PSKH2: variants seen among roughly 807,000 people sequenced by gnomAD.
PSKH2 encodes the protein serine/threonine-protein kinase H2.
Under a neutral mutation model 22.5 loss-of-function variants are expected in PSKH2, and 16 were observed. The observed-to-expected ratio is 0.71, with a 90% CI of 0.48 to 1.08. The LOEUF is 1.08. Ranked by LOEUF, PSKH2 falls within the 50% of genes least tolerant of loss-of-function variation. PSKH2 has a pLI of 0.00. For missense variants in PSKH2, 516 were observed against 492.8 expected (o/e 1.05, Z -0.44); for synonymous variants, 188 against 184.8 (o/e 1.02, Z -0.14).
At chr8:86,058,819 G>C (rs1415848037) in intron 2 of PSKH2, among the ~76,000 whole-genome samples, 1 of 152,204 alleles carries the variant, frequency 6.6e-6, no homozygotes, top group African/African-American at 2.4e-5. Context: ...AGTGGAGCTA[G>C]AGTATGGCTC....
chr8:86,053,693 C>A (rs191639722), intron 2 of PSKH2, among the ~76,000 whole-genome samples: 2 of 152,108 alleles, frequency 1.3e-5, no homozygotes, highest in African/African-American at 2.4e-5. Flanking sequence ...AACTAGTCAA[C>A]GCTTTAATAT....
At chr8:86,063,581 TTAGTC>T (rs1817807643) in intron 2 of PSKH2, among the ~76,000 whole-genome samples, 1 of 152,230 alleles carries the variant, frequency 6.6e-6, no homozygotes, top group Non-Finnish European at 1.5e-5. Context: ...TGTGAACACA[TTAGTC>T]TAGTCAGCCA....
chr8:86,054,919 A>C (rs1226028660), intron 2 of PSKH2, among the ~76,000 whole-genome samples: 1 of 152,168 alleles, frequency 6.6e-6, no homozygotes, highest in East Asian at 1.9e-4. Flanking sequence ...TCAAAGCACC[A>C]GAAGTTAACA....
chr8:86,051,473 A>C (rs1260967282), intron 2 of PSKH2, among the ~76,000 whole-genome samples: 1 of 152,176 alleles, frequency 6.6e-6, no homozygotes, highest in Non-Finnish European at 1.5e-5. Context: ...AGACATGAGA[A>C]ATATTTATCC....
intron 2 of PSKH2, among the ~76,000 whole-genome samples, chr8:86,057,275 T>C (rs1817711984): frequency 2.0e-5 from 2 of 101,416 alleles, no homozygotes; most frequent in Non-Finnish European, 3.9e-5. Context: ...ATACTTAATA[T>C]GCATGCATGT....
chr8:86,049,675 GAAGAAAGAAAGAAAGAAAGAAAGA>G (rs1156489675), intron 2 of PSKH2, among the ~76,000 whole-genome samples: 5,883 of 105,908 alleles, frequency 0.056, 435 homozygotes, highest in Non-Finnish European at 0.073. Context: ...GAGTGAGAAA[GAAGAAAGAAAGAAAGAAAGAAAGA>G]AAGAAAGAAA....
chr8:86,063,476 G>A (rs567622138), intron 2 of PSKH2, among the ~76,000 whole-genome samples: 10 of 152,242 alleles, frequency 6.6e-5, no homozygotes, highest in East Asian at 1.9e-4. Flanking sequence ...TAAACATTTC[G>A]CTGAGAAAAC....
At chr8:86,068,791 T>A (rs1342516651) in intron 1 of PSKH2, among the ~76,000 whole-genome samples, 1 of 152,136 alleles carries the variant, frequency 6.6e-6, no homozygotes, top group Non-Finnish European at 1.5e-5. Context: ...CAAAGCCGTC[T>A]TCCACCGCAG....
At chr8:86,060,763 C>G (rs1218466986) in intron 2 of PSKH2, among the ~76,000 whole-genome samples, 1 of 152,148 alleles carries the variant, frequency 6.6e-6, no homozygotes, top group Non-Finnish European at 1.5e-5. Flanking sequence ...TAATATAAAT[C>G]TAGTACTTTA....
At position 86,048,340 on chromosome 8, in the gene PSKH2, A is replaced by T; in HGVS notation, c.*122T>A. On this transcript the variant is annotated 3_prime_UTR_variant, in exon 3 of 3. Coordinates refer to ENST00000276616, the MANE Select transcript of PSKH2 (RefSeq NM_033126.3). ...AAAAATTATAGAACAAGAAAATGTTAAAAGTCAAGATCAATAGTATCCAAC... is the reference window on the plus strand; with the variant it reads ...AAAAATTATAGAACAAGAAAATGTTTAAAGTCAAGATCAATAGTATCCAAC... The T allele has an allele frequency of 1.4e-6, 1 of 720,550 alleles. No individual in the cohort carries two copies. 44.6% of individuals were successfully genotyped at this position (720,550 alleles called of 1,614,324 possible). A position where few individuals can be genotyped will look rare whatever the true frequency, so the allele number is the denominator to read the frequency against.
chr8:86,060,908 G>A (rs913234988), intron 2 of PSKH2, among the ~76,000 whole-genome samples: 1 of 152,030 alleles, frequency 6.6e-6, no homozygotes, highest in South Asian at 2.1e-4. Context: ...CTAGACCCTG[G>A]GCCCCTCTTT....
In PSKH2 at chr8:86,047,171, T is replaced by C. The variant is rs968846885; in HGVS notation, c.*1291A>G. Among the ~76,000 whole-genome samples, 1 of 152,240 alleles carries C rather than the reference T, an allele frequency of 6.6e-6. No homozygotes were observed. Among genetic ancestry groups the C allele is most frequent in the Non-Finnish European group, 1.5e-5 (1 of 68,044 alleles). ...AATTACAAATGAAATGAAGCATTTT[T>C]TTCATTTACTCATTAGCCATCTATA... On this transcript the variant is annotated 3_prime_UTR_variant, in exon 3 of 3. Transcript: ENST00000276616.
At chr8:86,059,424 G>C (rs77523879) in intron 2 of PSKH2, among the ~76,000 whole-genome samples, 1,652 of 152,260 alleles carry the variant, frequency 0.011, 23 homozygotes, top group Non-Finnish European at 0.014. Flanking sequence ...AGTGTCACCA[G>C]AGCTGTGTTC....
At chr8:86,060,935 C>T (rs569705356) in intron 2 of PSKH2, among the ~76,000 whole-genome samples, 47 of 152,280 alleles carry the variant, frequency 3.1e-4, no homozygotes, top group Non-Finnish European at 5.7e-4. Context: ...TGCATGCACG[C>T]ACCCTTCTTT....
intron 1 of PSKH2, chr8:86,066,510 T>C (rs1817861446): frequency 6.6e-6 from 1 of 152,154 alleles, no homozygotes; most frequent in East Asian, 1.9e-4. Context: ...GACTTCATTT[T>C]AATAAAACCT....
rs1382109105 is a variant in PSKH2 at position 86,050,664 on chromosome 8, G to A, written c.853-1897C>T. Among the ~76,000 whole-genome samples, 5 of 152,150 alleles carry A rather than the reference G, an allele frequency of 3.3e-5. No individual in the cohort carries two copies. The East Asian group carries it at 9.6e-4, about 29-fold the overall frequency. On this transcript the variant is annotated intron_variant, in intron 2 of 2. Transcript: ENST00000276616. ...TACCGTATACCCGGAAAACACTACAGTTTAGTGTCCTTTGTCCTCTGCAAA... is the reference window on the plus strand; with the variant it reads ...TACCGTATACCCGGAAAACACTACAATTTAGTGTCCTTTGTCCTCTGCAAA...
At chr8:86,057,111 A>T (rs1369238854) in intron 2 of PSKH2, among the ~76,000 whole-genome samples, 6 of 151,762 alleles carry the variant, frequency 4.0e-5, no homozygotes, top group Admixed American at 3.9e-4. Flanking sequence ...TTTGGTAGAG[A>T]TGGGGTCTTG....
chr8:86,051,816 C>T (rs1014873706), intron 2 of PSKH2, among the ~76,000 whole-genome samples: 5 of 152,148 alleles, frequency 3.3e-5, no homozygotes, highest in African/African-American at 1.2e-4. Flanking sequence ...GTTTAAAATG[C>T]AGTTGAAGAA....
intron 2 of PSKH2, among the ~76,000 whole-genome samples, chr8:86,061,187 C>T (rs1394194139): frequency 6.6e-6 from 1 of 152,132 alleles, no homozygotes; most frequent in Non-Finnish European, 1.5e-5. Context: ...GCCTCTTTGC[C>T]TCCCTTGTCC....
Sources: allele counts gnomAD v4.1 joint callset (sites outside exome capture counted in the v4.1 genomes callset), GRCh38; gene constraint gnomAD v4.1.1; transcripts MANE v1.5; gene names NCBI Gene and HGNC (gene_info 2026-07-23, HGNC 2026-07-21).